Variants in DNAH3 observed in about 807,000 individuals in gnomAD.
DNAH3 encodes the protein axonemal beta dynein heavy chain 3.
In DNAH3, 332 loss-of-function variants were observed where a neutral mutation model predicts 432.5. The observed-to-expected ratio is 0.77, with a 90% CI of 0.70 to 0.84. The LOEUF is 0.84. DNAH3 is among the 40% of genes least tolerant of loss of function. DNAH3 has a pLI of 0.00. For synonymous variants in DNAH3, 1,956 were observed against 1,900.2 expected, an observed-to-expected ratio of 1.03 and a Z score of -0.76; for missense variants, 4,861 against 5,114.0, an observed-to-expected ratio of 0.95 and a Z score of 1.51.
chr16:21,122,065 G>A (rs1201076538), exon 10 of DNAH3: 24 of 1,613,704 alleles, frequency 1.5e-5, no homozygotes, highest in Non-Finnish European at 2.0e-5. Context: ...GTTTGATCAT[G>A]ATTAGCTGAG....
intron 41 of DNAH3, 58 bp downstream of exon 41, chr16:21,019,566 T>C: frequency 6.3e-7 from 1 of 1,595,160 alleles, no homozygotes. Flanking sequence ...TCTGGTTGTG[T>C]TTAGAACACG....
chr16:21,136,407 G>A (rs541602132), exon 6 of DNAH3: 9 of 1,613,914 alleles, frequency 5.6e-6, no homozygotes, highest in East Asian at 2.2e-5. Context: ...GAAGGGACTC[G>A]TCAGCAGCGT....
At chr16:21,139,468 G>A (rs889015466) in intron 5 of DNAH3, among the ~76,000 whole-genome samples, 1 of 150,966 alleles carries the variant, frequency 6.6e-6, no homozygotes, top group Non-Finnish European at 1.5e-5. Flanking sequence ...AGAAAGGGTT[G>A]TGAATCCCTC....
intron 19 of DNAH3, among the ~76,000 whole-genome samples, chr16:21,085,225 AAATC>A (rs1404848419): frequency 6.6e-6 from 1 of 151,990 alleles, no homozygotes; most frequent in East Asian, 1.9e-4. Flanking sequence ...TCTATTTTAA[AAATC>A]AATTAATTAA....
chr16:20,952,394 A>C (rs535933939), intron 56 of DNAH3, 39 bp downstream of exon 56: 2 of 1,235,230 alleles, frequency 1.6e-6, no homozygotes, highest in East Asian at 4.6e-5. Context: ...GGAACATGAT[A>C]CTGGAGGTTT....
At chr16:21,001,685 C>T (rs140417777) in intron 42 of DNAH3, among the ~76,000 whole-genome samples, 2 of 152,236 alleles carry the variant, frequency 1.3e-5, no homozygotes, top group East Asian at 3.9e-4. Context: ...CAGTAACCTT[C>T]TAAGGCAGGT....
chr16:21,132,893 T>A (rs2092586862), intron 7 of DNAH3, among the ~76,000 whole-genome samples: 2 of 139,792 alleles, frequency 1.4e-5, no homozygotes, highest in African/African-American at 5.5e-5. Context: ...AATGTGGATA[T>A]CTCACTTTTT....
chr16:21,060,569 G>C (rs2090319915), intron 25 of DNAH3, among the ~76,000 whole-genome samples: 1 of 142,846 alleles, frequency 7.0e-6, no homozygotes, highest in Non-Finnish European at 1.5e-5. Context: ...TCTGTCACCA[G>C]GCTGGAGTGC....
intron 26 of DNAH3, among the ~76,000 whole-genome samples, chr16:21,059,099 C>A (rs1401552445): frequency 1.3e-5 from 2 of 152,188 alleles, no homozygotes; most frequent in Non-Finnish European, 2.9e-5. Flanking sequence ...GGCAAAGCTA[C>A]AGTACCCATT....
In DNAH3 at chr16:20,964,325, C is replaced by T. The variant is rs139786364; in HGVS notation, c.9559G>A (p.Val3187Met). ...ATGAAGTTGAGGAGACAGACCTTCA[C>T]GGCAACTTCTGGGAGGTAATGTGGA... is the stretch of plus-strand genomic sequence containing the variant. Residue 3187 changes from valine to methionine, a missense_variant, in exon 53 of 62, where the codon GTG (valine) becomes ATG (methionine). Physicochemically the swap from Val to Met is conservative, Grantham distance 21 (BLOSUM62 1). Transcript: ENST00000261383. The T allele has an allele frequency of 3.1e-5, 50 of 1,614,040 alleles. No homozygotes were observed. Among genetic ancestry groups the T allele is most frequent in the African/African-American group, 6.7e-5 (5 of 74,906 alleles).
chr16:20,944,500 G>A (rs763848153), exon 58 of DNAH3: 2 of 1,614,074 alleles, frequency 1.2e-6, no homozygotes, highest in Admixed American at 3.3e-5. Context: ...AGTTACCTGA[G>A]GGGACTTGCC....
At chr16:20,997,245 A>T (rs751393147) in intron 44 of DNAH3, 38 bp downstream of exon 44, 1 of 1,599,774 alleles carries the variant, frequency 6.3e-7, no homozygotes, top group Admixed American at 1.7e-5. Flanking sequence ...TCTGCTGGGG[A>T]TGGAGGGAAA....
chr16:20,953,163 G>T (rs930381347), intron 55 of DNAH3, among the ~76,000 whole-genome samples: 17 of 143,752 alleles, frequency 1.2e-4, no homozygotes, highest in African/African-American at 2.3e-4. Context: ...TTTGTTTGTT[G>T]TTTTTTTTTT....
intron 42 of DNAH3, 121 bp from the exon 43 acceptor site, chr16:21,000,639 G>A (rs566210702): frequency 7.9e-6 from 7 of 889,544 alleles, no homozygotes; most frequent in East Asian, 7.7e-5. Context: ...GACCTTAGGC[G>A]AGTCTTTAAC....
At chr16:20,960,728 AGGC>A (rs1432310392) in intron 53 of DNAH3, among the ~76,000 whole-genome samples, 4 of 152,136 alleles carry the variant, frequency 2.6e-5, no homozygotes, top group East Asian at 1.9e-4. Flanking sequence ...AACAAACAAA[AGGC>A]GGCCAAGGCC....
chr16:21,062,377 T>G (rs2090389950), intron 25 of DNAH3, 105 bp downstream of exon 25: 1 of 884,660 alleles, frequency 1.1e-6, no homozygotes, highest in Non-Finnish European at 1.8e-6. Flanking sequence ...ACCCAAGTGT[T>G]CCATACCCCA....
intron 30 of DNAH3, 110 bp downstream of exon 30, chr16:21,049,800 C>T: frequency 7.6e-7 from 1 of 1,312,978 alleles, no homozygotes. Context: ...GGAGCTGGGG[C>T]CCATGCTGCC....
chr16:20,933,300 CT>C lies in DNAH3; in HGVS notation c.12204del (p.Val4069SerfsTer36). The C allele has an allele frequency of 6.2e-7, 1 of 1,614,204 alleles. No individual in the cohort carries two copies. On this transcript the variant is annotated frameshift_variant, in exon 62 of 62. Coordinates refer to ENST00000261383, the Ensembl canonical transcript of DNAH3. LOFTEE classifies it high-confidence loss of function. Reference sequence around the variant, plus strand: ...CCTCTGCGGGCACTTGTTTTGTAGACTGGACACACATAGATGTCCTGATGCA... The same window carrying C: ...CCTCTGCGGGCACTTGTTTTGTAGACGGACACACATAGATGTCCTGATGCA...
intron 23 of DNAH3, 22 bp from the exon 24 acceptor site, chr16:21,067,441 G>C: frequency 3.7e-6 from 6 of 1,613,074 alleles, no homozygotes; most frequent in Non-Finnish European, 5.1e-6. Flanking sequence ...CAAAAAAAGT[G>C]AGACTCATCA....
Sources: gnomAD v4.1 joint callset for allele counts (sites outside exome capture counted in the v4.1 genomes callset) on GRCh38, gnomAD v4.1.1 for gene constraint, MANE v1.5 for transcripts, NCBI Gene and HGNC (gene_info 2026-07-23, HGNC 2026-07-21) for gene names.